The following PSTPIP2 variants were observed in gnomAD, a reference collection of about 807,000 sequenced individuals.
The protein encoded by PSTPIP2 is proline-serine-threonine phosphatase interacting protein 2.
Under a neutral mutation model 63.3 loss-of-function variants are expected in PSTPIP2, and 33 were observed. The ratio of observed to expected loss-of-function variants is 0.52; its 90% confidence interval spans 0.40 to 0.70. The LOEUF is 0.70. Ranked by LOEUF, PSTPIP2 falls within the 30% of genes least tolerant of loss-of-function variation. PSTPIP2 has a pLI of 0.00. For synonymous variants in PSTPIP2, 125 were observed against 132.7 expected (o/e 0.94, Z 0.40); for missense variants, 312 against 400.7 (o/e 0.78, Z 1.89).
intron 11 of PSTPIP2, 22 bp downstream of exon 11, chr18:45,992,084 C>T (rs1217930416): frequency 6.3e-7 from 1 of 1,599,840 alleles, no homozygotes. Context: ...AATAACACTC[C>T]CCACCCCACT....
Position 46,005,460 on chromosome 18 carries a change from G to T in PSTPIP2, c.417+9C>A. On this transcript the variant is annotated intron_variant, in intron 6 of 14. Transcript: ENST00000409746. ...ATTATCCCAAAAAAGACAATAAAAT[G>T]TGACTCACATCCATGGTTTTCTTGA... is the stretch of plus-strand genomic sequence containing the variant. 6.3e-7 allele frequency: 1 copy of T among 1,578,260 alleles called. No homozygotes were observed.
chr18:46,009,809 T>A (rs1021912731), intron 5 of PSTPIP2, among the ~76,000 whole-genome samples: 1 of 152,080 alleles, frequency 6.6e-6, no homozygotes. Flanking sequence ...TTCTGAAAAA[T>A]TGTAATTCCC....
intron 2 of PSTPIP2, among the ~76,000 whole-genome samples, chr18:46,032,584 T>A (rs1907822302): frequency 6.6e-6 from 1 of 151,782 alleles, no homozygotes; most frequent in Admixed American, 6.6e-5. Context: ...TGAAACCCCA[T>A]TTCTACTAAA....
intron 1 of PSTPIP2, among the ~76,000 whole-genome samples, chr18:46,045,055 T>C (rs1908333935): frequency 6.6e-6 from 1 of 152,234 alleles, no homozygotes; most frequent in Non-Finnish European, 1.5e-5. Context: ...TTTTACACTG[T>C]TGGTGGGACT....
intron 1 of PSTPIP2, among the ~76,000 whole-genome samples, chr18:46,053,340 T>C (rs1908644820): frequency 6.6e-6 from 1 of 152,216 alleles, no homozygotes; most frequent in Non-Finnish European, 1.5e-5. Flanking sequence ...CCATAACTTA[T>C]GGGAGTGAGG....
intron 1 of PSTPIP2, among the ~76,000 whole-genome samples, chr18:46,040,516 T>C (rs538312414): frequency 1.3e-5 from 2 of 152,292 alleles, no homozygotes; most frequent in East Asian, 3.9e-4. Context: ...CCTAAGCCCC[T>C]AACTCACTTT....
At chr18:45,990,679 C>T in intron 13 of PSTPIP2, 43 bp downstream of exon 13, 1 of 1,537,008 alleles carries the variant, frequency 6.5e-7, no homozygotes, top group Non-Finnish European at 9.0e-7. Flanking sequence ...ATCTGCCTGC[C>T]TTGCAATATA....
chr18:46,005,954 C>G (rs1442617224), intron 5 of PSTPIP2, among the ~76,000 whole-genome samples: 1 of 152,116 alleles, frequency 6.6e-6, no homozygotes, highest in African/African-American at 2.4e-5. Flanking sequence ...TTTCTGCAGC[C>G]CATCAGTGAC....
chr18:46,028,650 G>A, intron 2 of PSTPIP2: 1 of 830,946 alleles, frequency 1.2e-6, no homozygotes, highest in South Asian at 1.3e-5. Context: ...AGAAGATGAA[G>A]ATGAGGAAAT....
chr18:46,060,766 C>T (rs867572701), intron 1 of PSTPIP2, among the ~76,000 whole-genome samples: 3 of 152,226 alleles, frequency 2.0e-5, no homozygotes, highest in Non-Finnish European at 4.4e-5. Flanking sequence ...GGTTTCTTTG[C>T]CCTCTGAGAG....
At chr18:45,988,874 A>C in intron 13 of PSTPIP2, 115 bp from the exon 14 acceptor site, 1 of 814,860 alleles carries the variant, frequency 1.2e-6, no homozygotes, top group Non-Finnish European at 2.0e-6. Flanking sequence ...CCTTTTGTAA[A>C]GAGAAAATAG....
chr18:46,048,975 C>G (rs1392953979), intron 1 of PSTPIP2, among the ~76,000 whole-genome samples: 3 of 148,760 alleles, frequency 2.0e-5, no homozygotes, highest in Non-Finnish European at 4.4e-5. Flanking sequence ...ATCATGCCTA[C>G]TTCTTTACTT....
intron 5 of PSTPIP2, among the ~76,000 whole-genome samples, chr18:46,009,361 G>GAA (rs2051767905): frequency 1.7e-5 from 1 of 59,668 alleles, no homozygotes; most frequent in Non-Finnish European, 2.8e-5. Context: ...GTTTTATGGT[G>GAA]TAAAAAAAAA....
chr18:45,996,245 A>G (rs982037342), intron 9 of PSTPIP2, among the ~76,000 whole-genome samples: 1 of 152,234 alleles, frequency 6.6e-6, no homozygotes, highest in African/African-American at 2.4e-5. Flanking sequence ...TGAACAAGGA[A>G]GGAACAGCCC....
chr18:45,999,605 C>T, intron 6 of PSTPIP2, 71 bp from the exon 7 acceptor site: 1 of 1,522,638 alleles, frequency 6.6e-7, no homozygotes. Flanking sequence ...GCCCCCTTGG[C>T]CCAGGAAGTC....
chr18:46,071,724 T>TCAGCTC (rs1283657771), intron 1 of PSTPIP2, among the ~76,000 whole-genome samples: 1 of 152,180 alleles, frequency 6.6e-6, no homozygotes, highest in Non-Finnish European at 1.5e-5. Flanking sequence ...CTCTCACGGC[T>TCAGCTC]CAGCTCCAGG....
At chr18:46,026,126 T>C (rs1907570674) in intron 2 of PSTPIP2, among the ~76,000 whole-genome samples, 2 of 152,172 alleles carry the variant, frequency 1.3e-5, no homozygotes, top group African/African-American at 4.8e-5. Flanking sequence ...TTTTAAATTT[T>C]TGAAAAATAG....
chr18:46,024,729 G>T, intron 2 of PSTPIP2, 43 bp from the exon 3 acceptor site: 1 of 1,516,084 alleles, frequency 6.6e-7, no homozygotes, highest in South Asian at 1.1e-5. Context: ...TCTCAGAGCT[G>T]ACTCTTTGTT....
chr18:46,037,545 T>A (rs1908025249), intron 2 of PSTPIP2, among the ~76,000 whole-genome samples: 1 of 152,152 alleles, frequency 6.6e-6, no homozygotes, highest in Non-Finnish European at 1.5e-5. Context: ...GCCAACTTAG[T>A]CCCAGTTCCC....
Sources: allele counts gnomAD v4.1 joint callset (sites outside exome capture counted in the v4.1 genomes callset), GRCh38; gene constraint gnomAD v4.1.1; transcripts MANE v1.5; gene names NCBI Gene and HGNC (gene_info 2026-07-23, HGNC 2026-07-21).